Variants in SMYD3 observed in about 807,000 individuals in gnomAD.
SMYD3 encodes the protein SET and MYND domain containing 3.
SMYD3 carries 36 observed loss-of-function variants against 57.7 expected under a neutral mutation model. The ratio of observed to expected loss-of-function variants is 0.62; its 90% CI spans 0.48 to 0.82. SMYD3 has a LOEUF of 0.82. Among genes scored for constraint, SMYD3 ranks in the 40% least tolerant of loss-of-function variants. SMYD3 has a pLI of 0.00. For missense variants in SMYD3, 515 were observed against 538.8 expected, an observed-to-expected ratio of 0.96 and a Z score of 0.44; for synonymous variants, 211 against 195.0, an observed-to-expected ratio of 1.08 and a Z score of -0.68.
chr1:245,817,732 G>A (rs1481397796), intron 10 of SMYD3, among the ~76,000 whole-genome samples: 6 of 150,774 alleles, frequency 4.0e-5, no homozygotes, highest in Admixed American at 6.6e-5. Flanking sequence ...ACCAAGGCTC[G>A]AGAACTATGT....
chr1:246,446,671 C>T (rs1167443141), intron 1 of SMYD3, among the ~76,000 whole-genome samples: 1 of 152,148 alleles, frequency 6.6e-6, no homozygotes, highest in East Asian at 1.9e-4. Flanking sequence ...ACCTATGTAA[C>T]TTGAGGCATC....
At chr1:246,300,421 A>T (rs1387839443) in intron 5 of SMYD3, among the ~76,000 whole-genome samples, 2 of 152,178 alleles carry the variant, frequency 1.3e-5, no homozygotes, top group African/African-American at 2.4e-5. Flanking sequence ...TGTTATTACC[A>T]AAGAGATTTC....
In SMYD3 at chr1:245,863,838, C is replaced by G; in HGVS notation, c.862G>C (p.Glu288Gln). ...AGTTCTTCAATTTTTTTCAGGGATT[C>G]TTGAACTTCCTTCCATACTTGCTCA... ...GDEQVWKEVQESLKKIEELKA... is the reference protein window; with the variant it reads ...GDEQVWKEVQQSLKKIEELKA... The change falls in exon 9 of 12, where the codon GAA (glutamate) becomes CAA (glutamine). Residue 288 changes from glutamate (E) to glutamine (Q), a missense_variant. Glu to Gln is a conservative substitution (Grantham distance 29, BLOSUM62 2). Coordinates refer to ENST00000490107, the MANE Select transcript of SMYD3 (RefSeq NM_001167740.2). The G allele has an allele frequency of 6.2e-7, 1 of 1,614,146 alleles. No individual in the cohort carries two copies. The highest frequency in any genetic ancestry group is 8.5e-7 in the Non-Finnish European group (1 of 1,180,006).
intron 10 of SMYD3, among the ~76,000 whole-genome samples, chr1:245,850,018 G>A (rs985357377): frequency 6.6e-6 from 1 of 152,092 alleles, no homozygotes; most frequent in African/African-American, 2.4e-5. Flanking sequence ...AGCCAGGGAA[G>A]AGTATAAAAA....
chr1:246,484,853 T>C (rs868849850), intron 1 of SMYD3, among the ~76,000 whole-genome samples: 66 of 87,906 alleles, frequency 7.5e-4, no homozygotes, highest in Middle Eastern at 0.02. Context: ...ATACCTAAAC[T>C]ACTGCACTAG....
chr1:246,179,121 G>C (rs2062486405), intron 5 of SMYD3: 1 of 155,956 alleles, frequency 6.4e-6, no homozygotes, highest in Non-Finnish European at 1.5e-5. Flanking sequence ...AAGAGGAGGA[G>C]GAGGAGAAGT....
At chr1:245,858,722 A>G in intron 9 of SMYD3, 52 bp from the exon 10 acceptor site, 1 of 1,566,382 alleles carries the variant, frequency 6.4e-7, no homozygotes, top group African/African-American at 1.4e-5. Context: ...AAAAAAACAA[A>G]CAAAATTAGA....
intron 1 of SMYD3, among the ~76,000 whole-genome samples, chr1:246,385,189 A>G (rs1006101361): frequency 6.6e-6 from 1 of 152,196 alleles, no homozygotes; most frequent in East Asian, 1.9e-4. Flanking sequence ...TAAATTATTT[A>G]AACTATGTGC....
At chr1:245,979,368 G>A (rs1248689610) in intron 5 of SMYD3, among the ~76,000 whole-genome samples, 1 of 152,160 alleles carries the variant, frequency 6.6e-6, no homozygotes, top group Non-Finnish European at 1.5e-5. Flanking sequence ...CCTAAAATGT[G>A]ACCTTATTTG....
chr1:245,799,624 CAT>C, intron 10 of SMYD3, among the ~76,000 whole-genome samples: 1 of 152,300 alleles, frequency 6.6e-6, no homozygotes. Flanking sequence ...GAATGTTAGT[CAT>C]GTGAGTAAAC....
intron 5 of SMYD3, 54 bp downstream of exon 5, chr1:246,327,147 T>C: frequency 6.2e-7 from 1 of 1,606,982 alleles, no homozygotes; most frequent in Non-Finnish European, 8.5e-7. Context: ...AACAACAAAA[T>C]AAGGAGCAAA....
At chr1:246,284,339 G>A in intron 5 of SMYD3, among the ~76,000 whole-genome samples, 1 of 152,112 alleles carries the variant, frequency 6.6e-6, no homozygotes, top group Non-Finnish European at 1.5e-5. Context: ...AGGGTTACCA[G>A]GTCAGCAACG....
At chr1:246,036,754 T>C (rs1325650733) in intron 5 of SMYD3, among the ~76,000 whole-genome samples, 14 of 147,122 alleles carry the variant, frequency 9.5e-5, no homozygotes, top group Admixed American at 2.7e-4. Context: ...TTAGTAGAGA[T>C]GGGGTTTCAC....
chr1:246,033,850 T>A (rs1418888298), intron 5 of SMYD3, among the ~76,000 whole-genome samples: 1 of 152,134 alleles, frequency 6.6e-6, no homozygotes, highest in Non-Finnish European at 1.5e-5. Context: ...GTGTTCTGGT[T>A]GTGATAGTTT....
At chr1:246,070,545 T>C (rs2060424948) in intron 5 of SMYD3, among the ~76,000 whole-genome samples, 1 of 152,236 alleles carries the variant, frequency 6.6e-6, no homozygotes. Flanking sequence ...ATAATCTTCC[T>C]GTATTCACTT....
chr1:246,363,513 A>G (rs1344215984), intron 1 of SMYD3, among the ~76,000 whole-genome samples: 1 of 152,196 alleles, frequency 6.6e-6, no homozygotes, highest in Non-Finnish European at 1.5e-5. Context: ...GAGAAATCGG[A>G]TGGTTGCCGT....
intron 10 of SMYD3, among the ~76,000 whole-genome samples, chr1:245,791,301 G>A (rs2047256501): frequency 6.6e-6 from 1 of 152,212 alleles, no homozygotes; most frequent in Non-Finnish European, 1.5e-5. Context: ...GATCTGGCAA[G>A]TATGAGATGC....
intron 7 of SMYD3, 126 bp downstream of exon 7, chr1:245,927,805 T>C: frequency 1.4e-6 from 1 of 698,086 alleles, no homozygotes; most frequent in South Asian, 1.5e-5. Flanking sequence ...GAACTACAAA[T>C]ACTCTCACTG....
At position 245,884,120 on chromosome 1, in the gene SMYD3, A is replaced by C. The variant is rs148178515; in HGVS notation, c.814-20234T>G. ...TGTTCTTAGAAGACCTGTACAAAAC[A>C]AATGCCACCATATCTTCTTAAAAAA... On this transcript the variant is annotated intron_variant, in intron 8 of 11. Coordinates refer to ENST00000490107, the MANE Select transcript of SMYD3 (RefSeq NM_001167740.2). Among the ~76,000 whole-genome samples, 633 of 152,294 alleles carry C rather than the reference A, an allele frequency of 4.2e-3. 7 individuals carry two copies. Among genetic ancestry groups the C allele is most frequent in the African/African-American group, 0.014 (594 of 41,552 alleles).
Sources: gnomAD v4.1 joint callset for allele counts (sites outside exome capture counted in the v4.1 genomes callset) on GRCh38, gnomAD v4.1.1 for gene constraint, MANE v1.5 for transcripts, NCBI Gene and HGNC (gene_info 2026-07-23, HGNC 2026-07-21) for gene names.